TGFBR3: variants seen among roughly 807,000 people sequenced by gnomAD.
TGFBR3 encodes transforming growth factor beta receptor 3.
In TGFBR3, 46 loss-of-function variants were observed where a neutral mutation model predicts 87.9. The ratio of observed to expected loss-of-function variants is 0.52; its 90% CI spans 0.41 to 0.67. The LOEUF is 0.67. Ranked by LOEUF, TGFBR3 falls within the 30% of genes least tolerant of loss-of-function variation. The pLI is 0.00. For missense variants in TGFBR3, 866 were observed against 1,041.9 expected (o/e 0.83, Z 2.32); for synonymous variants, 381 against 391.6 (o/e 0.97, Z 0.32).
At chr1:91,823,983 A>G (rs530960107) in intron 2 of TGFBR3, among the ~76,000 whole-genome samples, 1 of 152,276 alleles carries the variant, frequency 6.6e-6, no homozygotes, top group South Asian at 2.1e-4. Context: ...TACAAGAAAT[A>G]GCCAAGTTTA....
At chr1:91,708,985 C>T (rs1671890773) in intron 13 of TGFBR3, among the ~76,000 whole-genome samples, 1 of 152,140 alleles carries the variant, frequency 6.6e-6, no homozygotes, top group South Asian at 2.1e-4. Flanking sequence ...TTTGGTTGTA[C>T]CTGAAGATGC....
Position 91,680,966 on chromosome 1 carries a change from A to C in TGFBR3, c.*2773T>G, listed in dbSNP as rs1302584141. 7.3e-5 allele frequency: 33 copies of C among 453,992 alleles called. No individual in the cohort carries two copies. In the Admixed American group the frequency reaches 7.8e-4, roughly 11 times the overall value. 28.1% of individuals were successfully genotyped at this position (453,992 alleles called of 1,614,324 possible). On this transcript the variant is annotated 3_prime_UTR_variant, in exon 17 of 17. Coordinates refer to ENST00000212355, the MANE Select transcript of TGFBR3 (RefSeq NM_003243.5). Reference sequence around the variant, plus strand: ...AGCTGGTAAACACCACATGGTGAAAAGCTATAGCGTATTATACAGACAATC... The same window carrying C: ...AGCTGGTAAACACCACATGGTGAAACGCTATAGCGTATTATACAGACAATC...
At chr1:91,847,832 C>G (rs562798081) in intron 2 of TGFBR3, among the ~76,000 whole-genome samples, 5 of 152,084 alleles carry the variant, frequency 3.3e-5, no homozygotes, top group African/African-American at 1.2e-4. Flanking sequence ...CCAATGACCC[C>G]GCCCTCAGTG....
intron 3 of TGFBR3, among the ~76,000 whole-genome samples, chr1:91,771,598 C>T (rs548430491): frequency 6.6e-6 from 1 of 150,600 alleles, no homozygotes; most frequent in African/African-American, 2.4e-5. Context: ...CCCAGCTACT[C>T]AGGAGGCTGA....
chr1:91,842,242 G>A (rs1677315862), intron 2 of TGFBR3, among the ~76,000 whole-genome samples: 2 of 152,200 alleles, frequency 1.3e-5, no homozygotes, highest in Non-Finnish European at 2.9e-5. Flanking sequence ...AGCAGCTTTT[G>A]AGGTGAGAAG....
At chr1:91,730,042 G>A (rs1256030721) in intron 5 of TGFBR3, 69 bp from the exon 6 acceptor site, 3 of 1,582,542 alleles carry the variant, frequency 1.9e-6, no homozygotes, top group Non-Finnish European at 1.7e-6. Flanking sequence ...AGGAAGGAGG[G>A]TGACAGTGAA....
At chr1:91,714,741 AGGGTGCT>A (rs1456718037) in intron 12 of TGFBR3, among the ~76,000 whole-genome samples, 1 of 152,220 alleles carries the variant, frequency 6.6e-6, no homozygotes, top group Non-Finnish European at 1.5e-5. Flanking sequence ...ACAGCGCAAT[AGGGTGCT>A]GTTGACCAAC....
At chr1:91,851,634 A>G (rs909325416) in intron 2 of TGFBR3, among the ~76,000 whole-genome samples, 1 of 152,172 alleles carries the variant, frequency 6.6e-6, no homozygotes, top group African/African-American at 2.4e-5. Flanking sequence ...TATATACACA[A>G]CCGTGTGCAA....
In TGFBR3 at chr1:91,683,722, G is replaced by T; in HGVS notation, c.*17C>A. The T allele has an allele frequency of 2.6e-6, 4 of 1,542,382 alleles. No homozygotes were observed. The highest frequency in any genetic ancestry group is 3.5e-6 in the Non-Finnish European group (4 of 1,149,238). ...AGCTGGGCTGGGCTGGGTTGGGCCG[G>T]GTTGGGCTGGGTTGGGCTAGGCCGT... On this transcript the variant is annotated 3_prime_UTR_variant, in exon 17 of 17. Coordinates refer to ENST00000212355, the MANE Select transcript of TGFBR3 (RefSeq NM_003243.5).
intron 4 of TGFBR3, among the ~76,000 whole-genome samples, chr1:91,753,336 GGCATGTTT>G (rs1673621488): frequency 6.9e-6 from 1 of 144,348 alleles, no homozygotes; most frequent in Non-Finnish European, 1.5e-5. Context: ...GCTACAGTGA[GGCATGTTT>G]GCACCACTGC....
rs1488160027 is a variant in TGFBR3 at position 91,712,280 on chromosome 1, C to T, written c.2129G>A (p.Cys710Tyr). ...CTGGGGGTGCTTCTCCATCTTCGTA[C>T]ACAGCGTCAGCTCACACTGTAGAAA... ...LLFLQCELTL[C>Y]TKMEKHPQKL... Residue 710 changes from cysteine to tyrosine, a missense_variant, in exon 13 of 17, where the codon TGT becomes TAT. Cys to Tyr is a radical substitution (Grantham distance 194). Transcript: ENST00000212355. The T allele has an allele frequency of 6.2e-7, 1 of 1,614,168 alleles. No homozygotes were observed. Among genetic ancestry groups the T allele is most frequent in the Admixed American group, 1.7e-5 (1 of 60,018 alleles).
intron 3 of TGFBR3, among the ~76,000 whole-genome samples, chr1:91,770,533 A>G (rs1674341901): frequency 3.3e-5 from 5 of 152,206 alleles, no homozygotes; most frequent in Admixed American, 2.0e-4. Context: ...TTCAATATTT[A>G]TTAGTATGAT....
At chr1:91,712,021 G>C (rs1313318571) in intron 13 of TGFBR3, among the ~76,000 whole-genome samples, 1 of 152,142 alleles carries the variant, frequency 6.6e-6, no homozygotes, top group Non-Finnish European at 1.5e-5. Context: ...TCACTCGTAA[G>C]GTACTACTAA....
intron 3 of TGFBR3, among the ~76,000 whole-genome samples, chr1:91,781,762 T>C (rs776892896): frequency 6.6e-6 from 1 of 152,142 alleles, no homozygotes; most frequent in Non-Finnish European, 1.5e-5. Flanking sequence ...ACTTTGCTGA[T>C]CTCTAATAAA....
At chr1:91,847,103 T>C (rs1003977013) in intron 2 of TGFBR3, among the ~76,000 whole-genome samples, 1 of 152,178 alleles carries the variant, frequency 6.6e-6, no homozygotes, top group African/African-American at 2.4e-5. Flanking sequence ...GAAAACCTTA[T>C]AAACTACTCA....
chr1:91,797,522 G>T (rs17881268), intron 2 of TGFBR3, 51 bp from the exon 3 acceptor site: 4 of 1,608,116 alleles, frequency 2.5e-6, no homozygotes, highest in Non-Finnish European at 3.4e-6. Flanking sequence ...AATTAATTCT[G>T]CCCCAAAGGG....
chr1:91,731,763 A>G (rs1269297201), intron 5 of TGFBR3, among the ~76,000 whole-genome samples: 2 of 152,240 alleles, frequency 1.3e-5, no homozygotes, highest in Non-Finnish European at 2.9e-5. Context: ...CATAGTGGGC[A>G]TATGGTATAG....
At chr1:91,766,201 T>TC (rs923968135) in intron 3 of TGFBR3, among the ~76,000 whole-genome samples, 3 of 145,124 alleles carry the variant, frequency 2.1e-5, no homozygotes, top group African/African-American at 5.1e-5. Flanking sequence ...TTGTTTTCTT[T>TC]TTTTTTTTTT....
At position 91,682,581 on chromosome 1, in the gene TGFBR3, A is replaced by G. The variant is rs1202553852; in HGVS notation, c.*1158T>C. 2.2e-6 allele frequency: 1 copy of G among 453,826 alleles called. No individual in the cohort carries two copies. The highest frequency in any genetic ancestry group is 2.0e-5 in the African/African-American group (1 of 50,004). The allele number at this position is 453,826 out of a possible 1,614,324, so 28.1% of individuals were successfully genotyped here. A position where few individuals can be genotyped will look rare whatever the true frequency, so the allele number is the denominator to read the frequency against. ...CAATCCAAATGAGTGCCCTTTTCCA[A>G]TCTCAGCACTGTCTTGGTGGAATTG... On this transcript the variant is annotated 3_prime_UTR_variant, in exon 17 of 17. Coordinates refer to ENST00000212355, the MANE Select transcript of TGFBR3 (RefSeq NM_003243.5).
Sources: gnomAD v4.1 joint callset for allele counts (sites outside exome capture counted in the v4.1 genomes callset) on GRCh38, gnomAD v4.1.1 for gene constraint, MANE v1.5 for transcripts, NCBI Gene and HGNC (gene_info 2026-07-23, HGNC 2026-07-21) for gene names.